The following VAV3 variants were observed in gnomAD, a reference collection of about 807,000 sequenced individuals.
The protein encoded by VAV3 is vav guanine nucleotide exchange factor 3.
VAV3 carries 94 observed loss-of-function variants against 131.2 expected under a neutral mutation model. That is an observed-to-expected ratio of 0.72 (90% CI 0.61 to 0.85). VAV3 has a LOEUF of 0.85. Among genes scored for constraint, VAV3 ranks in the 40% least tolerant of loss-of-function variants. The pLI is 0.00. For missense variants in VAV3, 939 were observed against 1,002.7 expected (o/e 0.94, Z 0.86); for synonymous variants, 349 against 342.0 (o/e 1.02, Z -0.22).
At chr1:107,709,257 T>C (rs552209231) in intron 15 of VAV3, among the ~76,000 whole-genome samples, 201 of 152,286 alleles carry the variant, frequency 1.3e-3, no homozygotes, top group African/African-American at 4.5e-3. Context: ...GTCTCCTCTT[T>C]ATAGTCATCA....
At chr1:107,897,434 G>A (rs191096082) in intron 1 of VAV3, 1 of 151,974 alleles carries the variant, frequency 6.6e-6, no homozygotes, top group African/African-American at 2.4e-5. Context: ...AGGAGCAACA[G>A]GGGAGGGAAC....
chr1:107,773,337 G>A (rs932960246), intron 4 of VAV3, among the ~76,000 whole-genome samples: 1 of 152,154 alleles, frequency 6.6e-6, no homozygotes, highest in African/African-American at 2.4e-5. Flanking sequence ...TTCATCAACT[G>A]TATTAATGGG....
rs183373066 is a variant in VAV3, at chr1:107,797,609, T to C, written c.322-18117A>G. Among the ~76,000 whole-genome samples the C allele has an allele frequency of 2.7e-3, 407 of 152,274 alleles. 2 individuals carry two copies. The highest frequency in any genetic ancestry group is 9.0e-3 in the African/African-American group (375 of 41,554). On this transcript the variant is annotated intron_variant, in intron 2 of 26. Coordinates refer to ENST00000370056, the MANE Select transcript of VAV3 (RefSeq NM_006113.5). The stretch of plus-strand genomic sequence containing the variant: ...AGAATAAAATTTTAAAGAATAGTTA[T>C]TAATGGGTTATGTAGACAATGGTGG...
intron 24 of VAV3, among the ~76,000 whole-genome samples, chr1:107,598,445 T>C (rs541062978): frequency 2.6e-5 from 4 of 152,306 alleles, no homozygotes; most frequent in East Asian, 3.9e-4. Flanking sequence ...GTTCATGATG[T>C]ACTAGGAACT....
At chr1:107,893,331 C>G (rs146988156) in intron 1 of VAV3, among the ~76,000 whole-genome samples, 89 of 152,216 alleles carry the variant, frequency 5.8e-4, no homozygotes, top group African/African-American at 2.0e-3. Flanking sequence ...CAAAAGTACC[C>G]ATCTCCAACT....
intron 4 of VAV3, 142 bp downstream of exon 4, chr1:107,777,089 C>A: frequency 2.7e-6 from 2 of 734,154 alleles, no homozygotes; most frequent in South Asian, 1.6e-5. Flanking sequence ...TCTTGTAAAG[C>A]TTTCCATCGC....
chr1:107,919,165 C>T (rs1467177573), intron 1 of VAV3, among the ~76,000 whole-genome samples: 1 of 152,024 alleles, frequency 6.6e-6, no homozygotes, highest in Non-Finnish European at 1.5e-5. Context: ...CTTACATTTA[C>T]CTTTAGATGA....
At chr1:107,705,951 A>G (rs1000250137) in intron 15 of VAV3, among the ~76,000 whole-genome samples, 1 of 152,132 alleles carries the variant, frequency 6.6e-6, no homozygotes, top group Non-Finnish European at 1.5e-5. Flanking sequence ...AAATAATCAA[A>G]TTTTTGTACT....
intron 17 of VAV3, 198 bp from the exon 18 acceptor site, chr1:107,688,604 G>A: frequency 3.6e-6 from 5 of 1,396,648 alleles, no homozygotes; most frequent in Non-Finnish European, 4.7e-6. Context: ...GGCTTGTCAG[G>A]AAAGTGACTC....
intron 2 of VAV3, among the ~76,000 whole-genome samples, chr1:107,780,071 G>T (rs1294678887): frequency 1.3e-5 from 2 of 152,104 alleles, no homozygotes; most frequent in Non-Finnish European, 2.9e-5. Flanking sequence ...GGGCTCTTGG[G>T]CCAGACCACC....
At chr1:107,726,701 A>G (rs1042582121) in intron 15 of VAV3, among the ~76,000 whole-genome samples, 1 of 152,178 alleles carries the variant, frequency 6.6e-6, no homozygotes, top group Non-Finnish European at 1.5e-5. Flanking sequence ...CGTTTCCTTT[A>G]TTAAGATTTT....
At chr1:107,843,390 A>ATATG (rs1668815811) in intron 2 of VAV3, among the ~76,000 whole-genome samples, 1 of 145,458 alleles carries the variant, frequency 6.9e-6, no homozygotes, top group Admixed American at 6.9e-5. Flanking sequence ...ATATATATAT[A>ATATG]GTTAATAAAC....
intron 25 of VAV3, among the ~76,000 whole-genome samples, chr1:107,581,032 G>A (rs567177759): frequency 6.6e-5 from 10 of 152,164 alleles, no homozygotes; most frequent in African/African-American, 1.4e-4. Flanking sequence ...ATCATCTCCC[G>A]GACTCTTCAT....
intron 20 of VAV3, among the ~76,000 whole-genome samples, chr1:107,626,771 A>G (rs918466447): frequency 1.3e-5 from 2 of 152,274 alleles, no homozygotes. Context: ...GTTCCAAGAA[A>G]TGTTTACTCT....
At chr1:107,887,742 T>A (rs1321695014) in intron 1 of VAV3, among the ~76,000 whole-genome samples, 1 of 152,058 alleles carries the variant, frequency 6.6e-6, no homozygotes, top group Non-Finnish European at 1.5e-5. Flanking sequence ...CCCCAACCCA[T>A]ACACCAACAC....
intron 1 of VAV3, among the ~76,000 whole-genome samples, chr1:107,951,159 T>C (rs1320125243): frequency 6.6e-6 from 1 of 152,320 alleles, no homozygotes; most frequent in East Asian, 1.9e-4. Flanking sequence ...TCTCAATGTC[T>C]TTGCACATTC....
intron 21 of VAV3, among the ~76,000 whole-genome samples, chr1:107,613,039 T>C (rs1652873584): frequency 6.6e-6 from 1 of 152,136 alleles, no homozygotes; most frequent in South Asian, 2.1e-4. Context: ...GTTATAGTTA[T>C]GTGTGGGAGT....
At chr1:107,803,629 C>T (rs1666926904) in intron 2 of VAV3, among the ~76,000 whole-genome samples, 1 of 151,948 alleles carries the variant, frequency 6.6e-6, no homozygotes, top group African/African-American at 2.4e-5. Flanking sequence ...TGATATATTG[C>T]TCTTTTAAAT....
intron 2 of VAV3, among the ~76,000 whole-genome samples, chr1:107,794,436 A>G (rs1257262377): frequency 6.6e-6 from 1 of 152,252 alleles, no homozygotes; most frequent in African/African-American, 2.4e-5. Context: ...TGACCTAAAT[A>G]CATTAAATTT....
Sources: allele counts gnomAD v4.1 joint callset (sites outside exome capture counted in the v4.1 genomes callset), GRCh38; gene constraint gnomAD v4.1.1; transcripts MANE v1.5; gene names NCBI Gene and HGNC (gene_info 2026-07-23, HGNC 2026-07-21).